Variants in NECAB3 observed in about 807,000 individuals in gnomAD.
NECAB3 encodes the protein N-terminal EF-hand calcium-binding protein 3.
In NECAB3, 38 loss-of-function variants were observed where a neutral mutation model predicts 57.2. The observed-to-expected ratio is 0.66, with a 90% confidence interval of 0.51 to 0.87. NECAB3 has a LOEUF of 0.87. Among genes scored for constraint, NECAB3 ranks in the 40% least tolerant of loss-of-function variants. NECAB3 has a pLI of 0.00. For synonymous variants in NECAB3, 223 were observed against 222.6 expected, an observed-to-expected ratio of 1.00 and a Z score of -0.02; for missense variants, 474 against 527.5, an observed-to-expected ratio of 0.90 and a Z score of 0.99.
At chr20:33,664,244 C>T (rs1199278380) in intron 5 of NECAB3, 1 of 220,660 alleles carries the variant, frequency 4.5e-6, no homozygotes, top group African/African-American at 2.3e-5. Flanking sequence ...TAAAGCCTGA[C>T]ATCCCCCCAG....
At chr20:33,662,897 T>C (rs2017526099) in intron 5 of NECAB3, 1 of 184,504 alleles carries the variant, frequency 5.4e-6, no homozygotes, top group African/African-American at 2.4e-5. Context: ...ACAGCACCAC[T>C]GCTCCAGCCT....
intron 5 of NECAB3, chr20:33,663,449 C>G (rs1046632440): frequency 1.0e-5 from 15 of 1,443,568 alleles, no homozygotes; most frequent in Non-Finnish European, 1.1e-5. Flanking sequence ...GGACGAGGGT[C>G]CCAGGAGAAG....
upstream of NECAB3, chr20:33,674,498 G>T (rs1380285525): frequency 4.5e-5 from 34 of 761,066 alleles, no homozygotes; most frequent in Admixed American, 6.0e-5. Context: ...GCGGACGCCG[G>T]GTTCCCTCGC....
chr20:33,662,417 G>A, intron 5 of NECAB3: 1 of 1,551,730 alleles, frequency 6.4e-7, no homozygotes, highest in Non-Finnish European at 8.7e-7. Flanking sequence ...CGGCTGACAT[G>A]GACAAGGCCT....
rs2017353643 is a variant in NECAB3 at position 33,658,488 on chromosome 20, G to A, written c.1059C>T (p.Ala353=). 2.5e-6 allele frequency: 4 copies of A among 1,613,858 alleles called. No homozygotes were observed. In the East Asian group the frequency reaches 6.7e-5, roughly 27 times the overall value. Residue 353 remains alanine (A), a synonymous_variant, in exon 10 of 12, where the codon GCC becomes GCT. Transcript: ENST00000246190. ...ACTGGCACTCATACCTTCTCCAGGA[G>A]GCCTCATCCTGCCAGAACTCATACA... ...FTLYEFWQDE[A]SWRRHQQSPG... is the part of the protein sequence containing the mutation.
chr20:33,672,292 A>G, intron 2 of NECAB3, 106 bp downstream of exon 2: 1 of 1,379,458 alleles, frequency 7.2e-7, no homozygotes, highest in Non-Finnish European at 1.0e-6. Flanking sequence ...GGCCCCCAAG[A>G]TTTGTCTCAA....
intron 5 of NECAB3, chr20:33,667,666 CG>C: frequency 1.2e-6 from 2 of 1,611,200 alleles, no homozygotes; most frequent in Non-Finnish European, 1.7e-6. Context: ...GCGCTACCTG[CG>C]GGATCTGCTG....
At chr20:33,669,544 T>G (rs2017782270) in intron 4 of NECAB3, 72 bp from the exon 5 acceptor site, 3 of 1,509,102 alleles carry the variant, frequency 2.0e-6, no homozygotes, top group Non-Finnish European at 1.8e-6. Flanking sequence ...TCTGGCCCCC[T>G]GGAATTCCTC....
chr20:33,669,580 G>A, intron 4 of NECAB3, 107 bp downstream of exon 4: 3 of 1,542,820 alleles, frequency 1.9e-6, no homozygotes, highest in Non-Finnish European at 2.6e-6. Flanking sequence ...CTTATATCCT[G>A]AGCCCAGCCC....
At chr20:33,658,398 G>A in intron 10 of NECAB3, 79 bp downstream of exon 10, 1 of 1,427,466 alleles carries the variant, frequency 7.0e-7, no homozygotes, top group Non-Finnish European at 9.8e-7. Context: ...CAGTGAGCGG[G>A]AGAGCAGAAT....
intron 2 of NECAB3, 86 bp downstream of exon 2, chr20:33,672,312 T>G (rs2017844012): frequency 1.3e-6 from 2 of 1,535,458 alleles, no homozygotes. Flanking sequence ...ACTCTTGACT[T>G]CCCACCCAAC....
intron 5 of NECAB3, chr20:33,663,365 G>T: frequency 1.4e-6 from 1 of 694,968 alleles, no homozygotes; most frequent in Non-Finnish European, 2.3e-6. Context: ...CCCGCGGCCT[G>T]AATTGGACAG....
At position 33,660,366 on chromosome 20, in the gene NECAB3, C is replaced by G. The variant is rs772344578; in HGVS notation, c.417G>C (p.Gln139His). ...LEYERASKVD[Q>H]FVTRFLLRET... ...CCCGCAGCAGGAAGCGCGTCACAAA[C>G]TGGTCCACTTTGGAGGCCCTCTCGT... The change falls in exon 6 of 12, where the codon CAG becomes CAC. Residue 139 changes from glutamine to histidine, a missense_variant. Transcript: ENST00000246190. This position sits in a 1 kb window ranked among gnomAD's most constrained non-coding sequence, Gnocchi z 4.1. 1 of 1,613,782 alleles carries G rather than the reference C, an allele frequency of 6.2e-7. No individual in the cohort carries two copies. Among genetic ancestry groups the G allele is most frequent in the Non-Finnish European group, 8.5e-7 (1 of 1,180,006 alleles).
chr20:33,666,847 G>A (rs778535064), intron 5 of NECAB3: 1 of 152,458 alleles, frequency 6.6e-6, no homozygotes, highest in Non-Finnish European at 1.5e-5. Flanking sequence ...GCCACGAGCT[G>A]AAAAGGAGGC....
chr20:33,668,369 G>GCCT, intron 5 of NECAB3: 4 of 1,288,646 alleles, frequency 3.1e-6, no homozygotes, highest in Non-Finnish European at 2.1e-6. Context: ...CCCTTTCTGG[G>GCCT]CCAGGAGAAG....
At position 33,657,241 on chromosome 20, in the gene NECAB3, A is replaced by C. The variant is rs2017315386; in HGVS notation, c.*588T>G. 6.5e-6 allele frequency: 1 copy of C among 152,916 alleles called. No homozygotes were observed. The highest frequency in any genetic ancestry group is 2.1e-4 in the South Asian group (1 of 4,840). The allele number at this position is 152,916 out of a possible 1,614,324, so 9.5% of individuals were successfully genotyped here. On this transcript the variant is annotated 3_prime_UTR_variant, in exon 12 of 12. Transcript: ENST00000246190. ...TACTGCCCTGAGAATGGGTGGGATG[A>C]GGGCATGCAAACGATATGCAAATGA...
Position 33,669,767 on chromosome 20 carries a change from A to C in NECAB3, c.264-55T>G. ...ACCTGGGCCTGGTAAACTGGGACTA[A>C]TGGGGCCAATGCCCCACATCCCACC... On this transcript the variant is annotated intron_variant, in intron 3 of 11. Coordinates refer to ENST00000246190, the MANE Select transcript of NECAB3 (RefSeq NM_031232.4). 3.9e-6 allele frequency: 6 copies of C among 1,523,266 alleles called. No individual in the cohort carries two copies. In the South Asian group the frequency reaches 7.6e-5, roughly 19 times the overall value. The allele number at this position is 1,523,266 out of a possible 1,614,324, so 94.4% of individuals were successfully genotyped here.
rs1000223854 is a variant in NECAB3 at position 33,670,716 on chromosome 20, T to C, written c.231A>G (p.Glu77=). The C allele has an allele frequency of 3.1e-6, 5 of 1,614,018 alleles. No individual in the cohort carries two copies. The highest frequency in any genetic ancestry group is 1.3e-5 in the African/African-American group (1 of 75,012). Residue 77 remains glutamate, a synonymous_variant, in exon 3 of 12, where the codon GAA becomes GAG. Transcript: ENST00000246190. ...GATGCCCATCAATGCCGCTGAACAGTTCCTGCAGCTCCCCCAGGCTGAGAA... is the reference window on the plus strand; with the variant it reads ...GATGCCCATCAATGCCGCTGAACAGCTCCTGCAGCTCCCCCAGGCTGAGAA... ...DGVLSLGELQ[E]LFSGIDGHLT... is the part of the protein sequence containing the mutation.
Position 33,669,650 on chromosome 20 carries a change from G to C in NECAB3, c.289+37C>G, listed in dbSNP as rs771983733. 5.1e-6 allele frequency: 8 copies of C among 1,569,930 alleles called. No homozygotes were observed. In the East Asian group the frequency reaches 1.8e-4, roughly 36 times the overall value. ...TGCCACACGTACCCTGGGGCCCAGG[G>C]GCCACAGGAGAAAAGAGCTCCCATG... On this transcript the variant is annotated intron_variant, in intron 4 of 11. Transcript: ENST00000246190.
Sources: allele counts gnomAD v4.1 joint callset, GRCh38; gene constraint gnomAD v4.1.1; non-coding constraint Gnocchi (gnomAD v3.1); transcripts MANE v1.5; gene names NCBI Gene and HGNC (gene_info 2026-07-23, HGNC 2026-07-21).